SUPT3H: variants seen among roughly 807,000 people sequenced by gnomAD.
SUPT3H encodes SPT3 homolog, SAGA and STAGA complex component.
A neutral mutation model predicts 44.3 loss-of-function variants in SUPT3H; 44 were observed. The ratio of observed to expected loss-of-function variants is 0.99; its 90% CI spans 0.78 to 1.28. SUPT3H has a LOEUF of 1.28. Among genes scored for constraint, SUPT3H ranks in the 50% most tolerant of loss-of-function variants. The pLI, the probability that SUPT3H is intolerant of heterozygous loss-of-function variation, is 0.00. For missense variants in SUPT3H, 380 were observed against 387.1 expected, an observed-to-expected ratio of 0.98 and a Z score of 0.15; for synonymous variants, 124 against 125.6, an observed-to-expected ratio of 0.99 and a Z score of 0.09.
At chr6:45,094,321 G>T (rs916172837) in intron 3 of SUPT3H, among the ~76,000 whole-genome samples, 5 of 152,038 alleles carry the variant, frequency 3.3e-5, no homozygotes, top group Admixed American at 6.6e-5. Flanking sequence ...CCTGATGCAA[G>T]AAAAGAAACA....
At chr6:45,026,937 C>G (rs1052552692) in intron 3 of SUPT3H, among the ~76,000 whole-genome samples, 1 of 149,784 alleles carries the variant, frequency 6.7e-6, no homozygotes, top group Non-Finnish European at 1.5e-5. Flanking sequence ...GATGAGACAT[C>G]TCATCTGGAG....
At chr6:45,167,058 T>A (rs1381210805) in intron 2 of SUPT3H, among the ~76,000 whole-genome samples, 1 of 152,206 alleles carries the variant, frequency 6.6e-6, no homozygotes, top group Non-Finnish European at 1.5e-5. Context: ...AATAATTTTT[T>A]AATAAAAAGC....
intron 2 of SUPT3H, among the ~76,000 whole-genome samples, chr6:45,310,867 G>C (rs1055592041): frequency 6.6e-6 from 1 of 151,996 alleles, no homozygotes; most frequent in Non-Finnish European, 1.5e-5. Flanking sequence ...GACAAAACAG[G>C]GTTCATCAAC....
At chr6:45,163,098 CATT>C (rs1809301659) in intron 2 of SUPT3H, among the ~76,000 whole-genome samples, 1 of 152,102 alleles carries the variant, frequency 6.6e-6, no homozygotes, top group Non-Finnish European at 1.5e-5. Flanking sequence ...ATATCTAAAA[CATT>C]AGTGAGCAAT....
At chr6:45,248,981 A>G (rs1347837810) in intron 2 of SUPT3H, among the ~76,000 whole-genome samples, 1 of 152,118 alleles carries the variant, frequency 6.6e-6, no homozygotes, top group African/African-American at 2.4e-5. Context: ...CACTCTGGAA[A>G]AAAATTTGGC....
intron 3 of SUPT3H, among the ~76,000 whole-genome samples, chr6:45,029,426 ACAAT>A (rs1786579432): frequency 1.3e-5 from 2 of 151,344 alleles, no homozygotes; most frequent in South Asian, 2.1e-4. Context: ...TTACTCAGTT[ACAAT>A]CAATGTGACC....
intron 10 of SUPT3H, among the ~76,000 whole-genome samples, chr6:44,910,141 T>C (rs1766783604): frequency 6.6e-6 from 1 of 152,140 alleles, no homozygotes; most frequent in Non-Finnish European, 1.5e-5. Flanking sequence ...TGCTCAACTC[T>C]CTACCTGTCT....
In SUPT3H at chr6:45,128,557, T is replaced by C. The variant is rs1326140575; in HGVS notation, c.102-22551A>G. 3.8e-3 allele frequency among the ~76,000 whole-genome samples: 217 copies of C among 56,742 alleles called. 1 individual carries two copies. Among genetic ancestry groups the C allele is most frequent in the Admixed American group, 8.1e-3 (32 of 3,930 alleles). The allele number at this position is 56,742 out of a possible 152,430, so 37.2% of individuals were successfully genotyped here. A position where few individuals can be genotyped will look rare whatever the true frequency, so the allele number is the denominator to read the frequency against. On this transcript the variant is annotated intron_variant, in intron 2 of 10. Coordinates refer to ENST00000371459, the MANE Select transcript of SUPT3H (RefSeq NM_003599.4). The stretch of plus-strand genomic sequence containing the variant: ...AAATATATATATATATATATATATA[T>C]ACACACACACACACACACACACACA...
At chr6:45,090,542 C>T (rs575498027) in intron 3 of SUPT3H, among the ~76,000 whole-genome samples, 60 of 151,792 alleles carry the variant, frequency 4.0e-4, no homozygotes, top group Non-Finnish European at 8.0e-4. Flanking sequence ...TTTTTATCCA[C>T]CATGATAGAA....
chr6:45,206,986 T>C (rs1329380937), intron 2 of SUPT3H, among the ~76,000 whole-genome samples: 1 of 152,054 alleles, frequency 6.6e-6, no homozygotes, highest in East Asian at 1.9e-4. Context: ...CAGAAACAGT[T>C]GGGTATATGG....
chr6:44,908,967 GCAA>G (rs1271849249), intron 10 of SUPT3H, among the ~76,000 whole-genome samples: 1 of 152,046 alleles, frequency 6.6e-6, no homozygotes, highest in African/African-American at 2.4e-5. Context: ...TATCTCCTCA[GCAA>G]CAACTACTTT....
At chr6:44,938,177 GTTTAC>G (rs1438641656) in intron 9 of SUPT3H, among the ~76,000 whole-genome samples, 2 of 151,468 alleles carry the variant, frequency 1.3e-5, no homozygotes, top group Non-Finnish European at 1.5e-5. Flanking sequence ...TTTTCCTCAG[GTTTAC>G]TTTGAGTATC....
chr6:45,183,133 C>A (rs1423358831), intron 2 of SUPT3H, among the ~76,000 whole-genome samples: 2 of 152,080 alleles, frequency 1.3e-5, no homozygotes, highest in Non-Finnish European at 2.9e-5. Context: ...TATTATTCAG[C>A]CACAAAAAGA....
chr6:44,824,703 G>A (rs1767609396), downstream of SUPT3H, among the ~76,000 whole-genome samples: 1 of 152,116 alleles, frequency 6.6e-6, no homozygotes, highest in Admixed American at 6.5e-5. Context: ...CCAAGAGTTT[G>A]AGATCAGCCT....
intron 3 of SUPT3H, among the ~76,000 whole-genome samples, chr6:45,026,512 T>C (rs1162096221): frequency 6.6e-6 from 1 of 152,158 alleles, no homozygotes; most frequent in Non-Finnish European, 1.5e-5. Flanking sequence ...ATGTGTCTTA[T>C]ATTTAACTTT....
chr6:45,243,840 T>A (rs1290881564), intron 2 of SUPT3H, among the ~76,000 whole-genome samples: 1 of 152,210 alleles, frequency 6.6e-6, no homozygotes, highest in Non-Finnish European at 1.5e-5. Flanking sequence ...TGTATCAGAT[T>A]ACAATATACC....
chr6:45,321,798 G>T lies in SUPT3H; in HGVS notation c.101+43403C>A, dbSNP rs771664065. The T allele has an allele frequency of 6.2e-6, 10 of 1,600,402 alleles. No homozygotes were observed. In the East Asian group the frequency reaches 1.6e-4, roughly 25 times the overall value. The stretch of plus-strand genomic sequence containing the variant: ...GAACACAATTTCCCACTACTTACCT[G>T]CCAGAATCATTCAGCAGTGGAAGGA... On this transcript the variant is annotated intron_variant, in intron 2 of 10. Coordinates refer to ENST00000371459, the MANE Select transcript of SUPT3H (RefSeq NM_003599.4).
At chr6:45,309,705 C>T (rs750707338) in intron 2 of SUPT3H, among the ~76,000 whole-genome samples, 2 of 152,036 alleles carry the variant, frequency 1.3e-5, no homozygotes, top group Non-Finnish European at 2.9e-5. Flanking sequence ...TATAACCAAA[C>T]TGTCAGAAAT....
At chr6:45,228,711 C>T (rs1041153606) in intron 2 of SUPT3H, among the ~76,000 whole-genome samples, 7 of 152,040 alleles carry the variant, frequency 4.6e-5, no homozygotes, top group Non-Finnish European at 8.8e-5. Flanking sequence ...TGCAGTGGCA[C>T]AGTCTCGGCT....
Sources: gnomAD v4.1 joint callset for allele counts (sites outside exome capture counted in the v4.1 genomes callset) on GRCh38, gnomAD v4.1.1 for gene constraint, MANE v1.5 for transcripts, NCBI Gene and HGNC (gene_info 2026-07-23, HGNC 2026-07-21) for gene names.